Variants in CADPS observed in about 807,000 individuals in gnomAD.
CADPS encodes calcium-dependent secretion activator 1.
A neutral mutation model predicts 167.3 loss-of-function variants in CADPS; 57 were observed. The observed-to-expected ratio is 0.34, with a 90% CI of 0.28 to 0.42. CADPS has a LOEUF of 0.42. Ranked by LOEUF, CADPS falls within the 20% of genes least tolerant of loss-of-function variation. The pLI, the probability that CADPS is intolerant of heterozygous loss-of-function variation, is 1.00. For missense variants in CADPS, 1,414 were observed against 1,738.1 expected, an observed-to-expected ratio of 0.81 and a Z score of 3.32; for synonymous variants, 676 against 635.3, an observed-to-expected ratio of 1.06 and a Z score of -0.96.
At chr3:62,713,899 C>A (rs1235590544) in intron 3 of CADPS, among the ~76,000 whole-genome samples, 1 of 152,152 alleles carries the variant, frequency 6.6e-6, no homozygotes, top group Non-Finnish European at 1.5e-5. Flanking sequence ...CTACTTATAG[C>A]CTTATAGCCA....
chr3:62,486,428 G>C (rs939361013), intron 21 of CADPS, among the ~76,000 whole-genome samples: 12 of 120,776 alleles, frequency 9.9e-5, no homozygotes, highest in African/African-American at 4.1e-4. Flanking sequence ...CTGGGCGACA[G>C]AGCAAGACTC....
intron 13 of CADPS, among the ~76,000 whole-genome samples, chr3:62,526,964 A>G (rs1408008182): frequency 6.6e-6 from 1 of 152,176 alleles, no homozygotes; most frequent in Non-Finnish European, 1.5e-5. Flanking sequence ...CTAAATATGT[A>G]TGATCTAAAG....
At chr3:62,488,360 A>C (rs1008154513) in intron 21 of CADPS, among the ~76,000 whole-genome samples, 2 of 151,854 alleles carry the variant, frequency 1.3e-5, no homozygotes, top group African/African-American at 4.8e-5. Context: ...TCTTTTTTAC[A>C]CTCCATTTTA....
chr3:62,528,773 G>C (rs1331727574), intron 13 of CADPS, among the ~76,000 whole-genome samples: 1 of 152,142 alleles, frequency 6.6e-6, no homozygotes, highest in Non-Finnish European at 1.5e-5. Context: ...AGAACATCTA[G>C]GTTTGCTACT....
At chr3:62,860,083 C>A (rs1035277266) in intron 1 of CADPS, among the ~76,000 whole-genome samples, 1 of 152,176 alleles carries the variant, frequency 6.6e-6, no homozygotes, top group African/African-American at 2.4e-5. Flanking sequence ...GCTACCTTTC[C>A]GATCATGTGG....
At chr3:62,870,959 T>C (rs763191002) in intron 1 of CADPS, among the ~76,000 whole-genome samples, 1 of 152,172 alleles carries the variant, frequency 6.6e-6, no homozygotes, top group Admixed American at 6.5e-5. Flanking sequence ...CTTTCCAAAC[T>C]GTCATTTCTG....
intron 3 of CADPS, among the ~76,000 whole-genome samples, chr3:62,680,251 T>G (rs1376318522): frequency 3.3e-5 from 5 of 152,152 alleles, no homozygotes; most frequent in Admixed American, 2.6e-4. Flanking sequence ...AGTGGCTTCA[T>G]GTCTATAAGC....
In CADPS at chr3:62,399,882, T is replaced by C. The variant is rs1284020108; in HGVS notation, c.3883-297A>G. ...GGGAAATGTTCCATAATTGTTTTGG[T>C]TCCTTTTTGTGGACTGGTTCTTTCT... On this transcript the variant is annotated intron_variant, in intron 29 of 29. Transcript: ENST00000383710. The surrounding 1 kb of genome is among the most constrained non-coding windows in gnomAD (Gnocchi z 5.6). Among the ~76,000 whole-genome samples the C allele has an allele frequency of 3.3e-5, 5 of 152,222 alleles. No individual in the cohort carries two copies. The highest frequency in any genetic ancestry group is 2.0e-4 in the Admixed American group (3 of 15,286).
intron 26 of CADPS, among the ~76,000 whole-genome samples, chr3:62,456,692 T>C (rs1417038160): frequency 2.0e-5 from 3 of 151,660 alleles, no homozygotes; most frequent in Non-Finnish European, 4.4e-5. Flanking sequence ...ACTTGGGATA[T>C]ACTCAGTGGT....
At chr3:62,845,779 G>A (rs777626983) in intron 1 of CADPS, among the ~76,000 whole-genome samples, 11 of 152,020 alleles carry the variant, frequency 7.2e-5, no homozygotes, top group Non-Finnish European at 1.3e-4. Context: ...AACAATTTCC[G>A]ATAGCCAAGA....
At chr3:62,595,851 C>T (rs1011459697) in intron 6 of CADPS, among the ~76,000 whole-genome samples, 16 of 152,118 alleles carry the variant, frequency 1.1e-4, no homozygotes, top group Admixed American at 9.2e-4. Flanking sequence ...TAAGCAGCTT[C>T]CAGCGAATAT....
At chr3:62,853,763 C>G (rs1259429150) in intron 1 of CADPS, among the ~76,000 whole-genome samples, 1 of 151,948 alleles carries the variant, frequency 6.6e-6, no homozygotes, top group Admixed American at 6.6e-5. Context: ...GAGTTTGAGA[C>G]CAGCCTGGGC....
intron 3 of CADPS, among the ~76,000 whole-genome samples, chr3:62,697,400 T>G (rs71296786): frequency 0.079 from 12,076 of 152,122 alleles, 633 homozygotes; most frequent in Non-Finnish European, 0.12. Context: ...AGTAACTTAG[T>G]CTCCAGTTCC....
At chr3:62,436,480 C>T (rs1242578603) in intron 28 of CADPS, among the ~76,000 whole-genome samples, 1 of 152,210 alleles carries the variant, frequency 6.6e-6, no homozygotes, top group African/African-American at 2.4e-5. Flanking sequence ...AGTGTCCACA[C>T]TCCTAACTGC....
At chr3:62,862,823 A>G (rs909196896) in intron 1 of CADPS, among the ~76,000 whole-genome samples, 8 of 152,220 alleles carry the variant, frequency 5.3e-5, no homozygotes, top group African/African-American at 1.9e-4. Flanking sequence ...TGACAGTGCA[A>G]TGGGAGGAAG....
intron 1 of CADPS, among the ~76,000 whole-genome samples, chr3:62,809,088 T>G (rs1235964576): frequency 6.6e-6 from 1 of 152,160 alleles, no homozygotes. Context: ...TCCTACTACC[T>G]CTGTACATCT....
In CADPS at chr3:62,540,598, C is replaced by A. The variant is rs534815348; in HGVS notation, c.1967-4017G>T. 5.3e-5 allele frequency among the ~76,000 whole-genome samples: 8 copies of A among 152,232 alleles called. No individual in the cohort carries two copies. In the South Asian group the frequency reaches 1.7e-3, roughly 32 times the overall value. On this transcript the variant is annotated intron_variant, in intron 11 of 29. Coordinates refer to ENST00000383710, the MANE Select transcript of CADPS (RefSeq NM_003716.4). ...ATAGAAGGAAACAGAATTCTAGGTG[C>A]AGGTGTCTTTGGATACCATTCAGAT...
At chr3:62,766,060 G>T in intron 1 of CADPS, 76 bp from the exon 2 acceptor site, 5 of 1,033,470 alleles carry the variant, frequency 4.8e-6, no homozygotes, top group Admixed American at 3.7e-5. Context: ...TGCTGAAGAT[G>T]CCAGACCCAT....
intron 9 of CADPS, 152 bp downstream of exon 9, chr3:62,570,720 C>T: frequency 4.5e-6 from 3 of 662,874 alleles, no homozygotes; most frequent in East Asian, 2.5e-5. Flanking sequence ...CTGTATCCTC[C>T]TCTGAATGGT....
Sources: gnomAD v4.1 joint callset for allele counts (sites outside exome capture counted in the v4.1 genomes callset) on GRCh38, gnomAD v4.1.1 for gene constraint, Gnocchi (gnomAD v3.1) non-coding constraint, MANE v1.5 for transcripts, NCBI Gene and HGNC (gene_info 2026-07-23, HGNC 2026-07-21) for gene names.